The following ARHGAP10 variants were observed in gnomAD, a reference collection of about 807,000 sequenced individuals.
The protein encoded by ARHGAP10 is rho GTPase-activating protein 10.
ARHGAP10 carries 87 observed loss-of-function variants against 108.6 expected under a neutral mutation model. That is an observed-to-expected ratio of 0.80 (90% CI 0.67 to 0.96). ARHGAP10 has a LOEUF of 0.96. ARHGAP10 is among the 40% of genes least tolerant of loss of function. The pLI is 0.00. For missense variants in ARHGAP10, 939 were observed against 954.5 expected, an observed-to-expected ratio of 0.98 and a Z score of 0.21; for synonymous variants, 347 against 341.1, an observed-to-expected ratio of 1.02 and a Z score of -0.19.
rs562315624 is a variant in ARHGAP10 at position 148,022,696 on chromosome 4, A to G, written c.1717-567A>G. On this transcript the variant is annotated intron_variant, in intron 18 of 22. Transcript: ENST00000336498. The stretch of plus-strand genomic sequence containing the variant: ...CTAGGTTTCATAAATGAAAGGGGAA[A>G]TAAAAGAGGGGTTAGAGGGTATTAA... 2.0e-5 allele frequency among the ~76,000 whole-genome samples: 3 copies of G among 152,382 alleles called. No homozygotes were observed. The East Asian group carries it at 5.8e-4, about 29-fold the overall frequency.
intron 19 of ARHGAP10, among the ~76,000 whole-genome samples, chr4:148,037,123 A>T (rs996798925): frequency 6.6e-6 from 1 of 152,178 alleles, no homozygotes; most frequent in Non-Finnish European, 1.5e-5. Flanking sequence ...GCTAATAATT[A>T]TTGGAGTACT....
intron 1 of ARHGAP10, among the ~76,000 whole-genome samples, chr4:147,812,874 T>G (rs181262848): frequency 1.3e-5 from 2 of 152,204 alleles, no homozygotes; most frequent in Non-Finnish European, 2.9e-5. Flanking sequence ...TAATTTGTTA[T>G]AGTGAGCATT....
chr4:148,002,849 C>G (rs1740782974), intron 18 of ARHGAP10, among the ~76,000 whole-genome samples: 2 of 151,990 alleles, frequency 1.3e-5, no homozygotes, highest in Admixed American at 1.3e-4. Context: ...TTTTGTTGAT[C>G]TTTTCAAAAA....
intron 1 of ARHGAP10, among the ~76,000 whole-genome samples, chr4:147,782,996 A>G (rs907891696): frequency 1.4e-5 from 2 of 140,224 alleles, no homozygotes; most frequent in East Asian, 2.0e-4. Flanking sequence ...AATTATATAT[A>G]TTATATAAAT....
chr4:147,978,020 A>G (rs1739663956), intron 18 of ARHGAP10, among the ~76,000 whole-genome samples: 1 of 152,194 alleles, frequency 6.6e-6, no homozygotes, highest in African/African-American at 2.4e-5. Flanking sequence ...GCTGCATAGT[A>G]TTCCGTGGTG....
chr4:148,046,859 T>G (rs1728908579), intron 19 of ARHGAP10, 33 bp from the exon 20 acceptor site: 1 of 1,588,826 alleles, frequency 6.3e-7, no homozygotes, highest in East Asian at 2.3e-5. Context: ...CTCCAGGTAT[T>G]TGTTTGATAT....
chr4:147,969,780 G>A (rs111661673), intron 18 of ARHGAP10, among the ~76,000 whole-genome samples: 2,491 of 152,288 alleles, frequency 0.016, 83 homozygotes, highest in African/African-American at 0.057. Context: ...GACGAAAGTG[G>A]CCTCGCTTTC....
In ARHGAP10 at chr4:147,798,757, CTCTCTCTCTCTCTCTCTCTCTCTCTA is replaced by C. The variant is rs1182135066; in HGVS notation, c.155-23968_155-23943del. Among the ~76,000 whole-genome samples, 14 of 38,606 alleles carry C rather than the reference CTCTCTCTCTCTCTCTCTCTCTCTCTA, an allele frequency of 3.6e-4. No homozygotes were observed. The South Asian group carries it at 3.9e-3, about 11-fold the overall frequency. 25.3% of individuals were successfully genotyped at this position (38,606 alleles called of 152,430 possible). Reference sequence around the variant, plus strand: ...TCTCTCTCTCTCTCTCTCTCTCTCTCTCTCTCTCTCTCTCTCTCTCTCTCTATATATATATATATATATATATATAT... The same window carrying C: ...TCTCTCTCTCTCTCTCTCTCTCTCTCTATATATATATATATATATATATAT... On this transcript the variant is annotated intron_variant, in intron 1 of 22. Coordinates refer to ENST00000336498, the MANE Select transcript of ARHGAP10 (RefSeq NM_024605.4).
In ARHGAP10 at chr4:147,820,429, G is replaced by A. The variant is rs1345698616; in HGVS notation, c.155-2298G>A. ...GCCTCCCAAGTAGCTGGGACTACAG[G>A]CAACCGCCACCACGCCCGGCTAATT... On this transcript the variant is annotated intron_variant, in intron 1 of 22. Transcript: ENST00000336498. 3.9e-5 allele frequency among the ~76,000 whole-genome samples: 6 copies of A among 151,928 alleles called. No individual in the cohort carries two copies. The East Asian group carries it at 9.7e-4, about 25-fold the overall frequency.
intron 13 of ARHGAP10, among the ~76,000 whole-genome samples, chr4:147,937,745 G>A (rs955740074): frequency 6.6e-6 from 1 of 152,050 alleles, no homozygotes; most frequent in Admixed American, 6.6e-5. Context: ...TTTGGGAGGC[G>A]GAGGCAGGCG....
At chr4:147,825,775 A>G (rs550469757) in intron 3 of ARHGAP10, among the ~76,000 whole-genome samples, 1 of 152,112 alleles carries the variant, frequency 6.6e-6, no homozygotes, top group South Asian at 2.1e-4. Flanking sequence ...AATAGTGTCA[A>G]TTTTTTTTCT....
chr4:147,852,253 G>T (rs1733901989), intron 4 of ARHGAP10, among the ~76,000 whole-genome samples: 1 of 152,188 alleles, frequency 6.6e-6, no homozygotes, highest in South Asian at 2.1e-4. Flanking sequence ...TAAGGCACTG[G>T]ATTAGTGACT....
At chr4:147,894,336 T>C (rs1735906614) in intron 10 of ARHGAP10, among the ~76,000 whole-genome samples, 1 of 152,222 alleles carries the variant, frequency 6.6e-6, no homozygotes, top group Non-Finnish European at 1.5e-5. Flanking sequence ...CTTCCTGTGC[T>C]TATTGGCCAT....
intron 20 of ARHGAP10, 83 bp from the exon 21 acceptor site, chr4:148,063,065 G>A: frequency 6.6e-7 from 1 of 1,510,998 alleles, no homozygotes; most frequent in South Asian, 1.2e-5. Flanking sequence ...TAGTGACCTA[G>A]TCATCTGGGA....
chr4:148,058,657 T>C (rs978692555), intron 20 of ARHGAP10, among the ~76,000 whole-genome samples: 37 of 152,198 alleles, frequency 2.4e-4, no homozygotes, highest in Admixed American at 8.5e-4. Flanking sequence ...GCGTGGAGCG[T>C]AGAGTCTGGT....
chr4:147,952,648 T>C (rs1183312322), intron 15 of ARHGAP10, among the ~76,000 whole-genome samples: 1 of 152,148 alleles, frequency 6.6e-6, no homozygotes, highest in Non-Finnish European at 1.5e-5. Flanking sequence ...AAATATATTT[T>C]GAGTACAAGT....
intron 16 of ARHGAP10, among the ~76,000 whole-genome samples, chr4:147,955,879 A>G (rs1030435499): frequency 1.3e-5 from 2 of 152,166 alleles, no homozygotes; most frequent in Non-Finnish European, 2.9e-5. Context: ...TTTGATACAG[A>G]CTGAATAATA....
chr4:147,745,358 C>T (rs1728866797), intron 1 of ARHGAP10: 1 of 152,228 alleles, frequency 6.6e-6, no homozygotes, highest in Non-Finnish European at 1.5e-5. Context: ...CAGGCTTGAC[C>T]CTGCTTAGCA....
intron 18 of ARHGAP10, among the ~76,000 whole-genome samples, chr4:148,010,542 T>C (rs1332020169): frequency 1.3e-5 from 2 of 152,222 alleles, no homozygotes; most frequent in African/African-American, 2.4e-5. Context: ...CTTTATAGTA[T>C]AATTCTATTA....
Sources: gnomAD v4.1 joint callset for allele counts (sites outside exome capture counted in the v4.1 genomes callset) on GRCh38, gnomAD v4.1.1 for gene constraint, MANE v1.5 for transcripts, NCBI Gene and HGNC (gene_info 2026-07-23, HGNC 2026-07-21) for gene names.